MTA3: variants seen among roughly 807,000 people sequenced by gnomAD.
The protein encoded by MTA3 is metastasis-associated protein MTA3.
MTA3 carries 34 observed loss-of-function variants against 83.5 expected under a neutral mutation model. The observed-to-expected ratio is 0.41, with a 90% CI of 0.31 to 0.54. The LOEUF (loss-of-function observed/expected upper bound fraction) is 0.54, where lower values mean the gene tolerates loss of function less well. Among genes scored for constraint, MTA3 ranks in the 20% least tolerant of loss-of-function variants. The probability of loss-of-function intolerance (pLI) is 0.33; values close to 1 mark genes in which losing one functional copy is unlikely to be tolerated. For missense variants in MTA3, 761 were observed against 726.4 expected, an observed-to-expected ratio of 1.05 and a Z score of -0.55; for synonymous variants, 303 against 252.7, an observed-to-expected ratio of 1.20 and a Z score of -1.89.
chr2:42,510,085 G>T (rs539417361), intron 2 of MTA3, among the ~76,000 whole-genome samples: 1 of 152,114 alleles, frequency 6.6e-6, no homozygotes, highest in Non-Finnish European at 1.5e-5. Context: ...CAGCACTTTG[G>T]GGGGCCAAGG....
chr2:42,584,092 C>T (rs1679992239), intron 3 of MTA3, among the ~76,000 whole-genome samples: 1 of 151,680 alleles, frequency 6.6e-6, no homozygotes, highest in Admixed American at 6.6e-5. Flanking sequence ...ATACGCCCAC[C>T]TCTGCCTCCC....
At chr2:42,651,156 A>G (rs777486585) in intron 6 of MTA3, among the ~76,000 whole-genome samples, 10 of 152,240 alleles carry the variant, frequency 6.6e-5, no homozygotes, top group Admixed American at 4.6e-4. Context: ...TATTGTAAAA[A>G]TACAGTAAAA....
intron 4 of MTA3, among the ~76,000 whole-genome samples, chr2:42,620,957 A>G (rs1332983426): frequency 1.3e-5 from 2 of 152,208 alleles, no homozygotes; most frequent in South Asian, 2.1e-4. Flanking sequence ...GTTATTTCAT[A>G]GATATTCATG....
intron 8 of MTA3, among the ~76,000 whole-genome samples, chr2:42,667,592 G>GTGTT (rs1690368100): frequency 3.1e-5 from 4 of 130,134 alleles, no homozygotes; most frequent in Non-Finnish European, 1.6e-5. Flanking sequence ...GTGTGTGTGT[G>GTGTT]TGTGTGTGTG....
intron 16 of MTA3, among the ~76,000 whole-genome samples, chr2:42,745,887 C>T (rs1481299931): frequency 7.2e-6 from 1 of 138,462 alleles, no homozygotes; most frequent in Non-Finnish European, 1.5e-5. Context: ...AATCTTAGCT[C>T]GCTGCAACCT....
At chr2:42,529,274 A>G (rs1411798474) in intron 2 of MTA3, among the ~76,000 whole-genome samples, 1 of 152,124 alleles carries the variant, frequency 6.6e-6, no homozygotes, top group Admixed American at 6.6e-5. Context: ...CTCTTTTACT[A>G]TCCTATTCTA....
chr2:42,607,553 TG>T (rs1318597552), intron 3 of MTA3, among the ~76,000 whole-genome samples: 1 of 152,014 alleles, frequency 6.6e-6, no homozygotes, highest in Non-Finnish European at 1.5e-5. Flanking sequence ...TTTGTAGAGA[TG>T]TTTGGTCTTG....
At chr2:42,594,505 C>T (rs1270645867) in intron 3 of MTA3, among the ~76,000 whole-genome samples, 14 of 149,632 alleles carry the variant, frequency 9.4e-5, no homozygotes, top group African/African-American at 2.2e-4. Flanking sequence ...CCCAAAGTGC[C>T]GGGATTACAG....
At chr2:42,633,039 C>G (rs1043286091) in intron 4 of MTA3, among the ~76,000 whole-genome samples, 1 of 151,080 alleles carries the variant, frequency 6.6e-6, no homozygotes, top group Non-Finnish European at 1.5e-5. Context: ...CTGAGGTGGG[C>G]GGATCATGAG....
intron 3 of MTA3, among the ~76,000 whole-genome samples, chr2:42,598,379 T>A (rs1014767573): frequency 1.6e-4 from 24 of 152,316 alleles, no homozygotes; most frequent in African/African-American, 5.5e-4. Flanking sequence ...CTACTTCTAT[T>A]TCTAAATAGT....
chr2:42,513,472 G>GCA (rs2103673692), intron 2 of MTA3, among the ~76,000 whole-genome samples: 1 of 152,178 alleles, frequency 6.6e-6, no homozygotes, highest in Non-Finnish European at 1.5e-5. Context: ...CAGGAAAAGG[G>GCA]ATAGACTCCA....
chr2:42,523,159 A>C (rs1001934966), intron 2 of MTA3, among the ~76,000 whole-genome samples: 2 of 152,082 alleles, frequency 1.3e-5, no homozygotes, highest in Non-Finnish European at 2.9e-5. Context: ...TTTTAGTTCA[A>C]TGTATATTCC....
intron 14 of MTA3, among the ~76,000 whole-genome samples, chr2:42,714,589 G>A (rs1666892081): frequency 6.6e-6 from 1 of 152,138 alleles, no homozygotes; most frequent in African/African-American, 2.4e-5. Context: ...ATAACCATGA[G>A]TTTCAACAAA....
intron 2 of MTA3, among the ~76,000 whole-genome samples, chr2:42,495,739 A>C (rs1466277996): frequency 6.6e-6 from 1 of 152,200 alleles, no homozygotes; most frequent in Non-Finnish European, 1.5e-5. Context: ...TTTCCATAGC[A>C]GAAATGGCTT....
At chr2:42,585,631 C>T (rs370830829) in intron 3 of MTA3, among the ~76,000 whole-genome samples, 6 of 151,984 alleles carry the variant, frequency 3.9e-5, no homozygotes, top group African/African-American at 9.6e-5. Flanking sequence ...TGTGCCACCA[C>T]GCCTGGTTAA....
chr2:42,498,528 G>C (rs531623205), intron 2 of MTA3, among the ~76,000 whole-genome samples: 3 of 152,314 alleles, frequency 2.0e-5, no homozygotes, highest in Admixed American at 6.5e-5. Flanking sequence ...TGGGGGAAAA[G>C]CTATACATAC....
intron 8 of MTA3, among the ~76,000 whole-genome samples, chr2:42,663,704 G>T (rs1689949222): frequency 6.6e-6 from 1 of 152,194 alleles, no homozygotes; most frequent in Admixed American, 6.5e-5. Context: ...GTTCGAGGCT[G>T]CAGTGAGCTA....
In MTA3 at chr2:42,646,093, A is replaced by G. The variant is rs1688154239; in HGVS notation, c.499+1849A>G. On this transcript the variant is annotated intron_variant, in intron 6 of 16. Coordinates refer to ENST00000405094, the MANE Select transcript of MTA3 (RefSeq NM_001330442.2). ...GCTCTGCCTGTGTCCTGTAAATAGA[A>G]CAACAAAGCCTAAATGACAGCACCT... Among the ~76,000 whole-genome samples, 3 of 152,244 alleles carry G rather than the reference A, an allele frequency of 2.0e-5. No homozygotes were observed. The South Asian group carries it at 6.2e-4, about 31-fold the overall frequency.
intron 4 of MTA3, among the ~76,000 whole-genome samples, chr2:42,620,084 C>T (rs1329545417): frequency 1.3e-5 from 2 of 151,604 alleles, no homozygotes; most frequent in East Asian, 3.9e-4. Flanking sequence ...GTGTTTGCAA[C>T]CATCACCTCT....
Sources: gnomAD v4.1 joint callset for allele counts (sites outside exome capture counted in the v4.1 genomes callset) on GRCh38, gnomAD v4.1.1 for gene constraint, MANE v1.5 for transcripts, NCBI Gene and HGNC (gene_info 2026-07-23, HGNC 2026-07-21) for gene names.